APBA1: variants seen among roughly 807,000 people sequenced by gnomAD.
APBA1 encodes amyloid-beta A4 precursor protein-binding family A member 1.
A neutral mutation model predicts 86.6 loss-of-function variants in APBA1; 55 were observed. The observed-to-expected ratio is 0.64, with a 90% CI of 0.51 to 0.80. The LOEUF (loss-of-function observed/expected upper bound fraction) is 0.80. Ranked by LOEUF, APBA1 falls within the 30% of genes least tolerant of loss-of-function variation. The pLI is 0.00. For synonymous variants in APBA1, 511 were observed against 493.9 expected, an observed-to-expected ratio of 1.03 and a Z score of -0.46; for missense variants, 1,090 against 1,183.0, an observed-to-expected ratio of 0.92 and a Z score of 1.15.
At chr9:69,619,930 A>C (rs900754190) in intron 1 of APBA1, among the ~76,000 whole-genome samples, 2 of 152,240 alleles carry the variant, frequency 1.3e-5, no homozygotes, top group Non-Finnish European at 2.9e-5. Context: ...TCTGATAAAA[A>C]TAAAAATTTG....
chr9:69,636,034 A>G (rs1823150485), intron 1 of APBA1, among the ~76,000 whole-genome samples: 1 of 152,232 alleles, frequency 6.6e-6, no homozygotes, highest in Admixed American at 6.5e-5. Context: ...AAATAACCAG[A>G]GCTAAAACAA....
intron 1 of APBA1, among the ~76,000 whole-genome samples, chr9:69,618,336 A>G (rs370056739): frequency 2.5e-4 from 38 of 152,290 alleles, no homozygotes; most frequent in African/African-American, 8.2e-4. Context: ...TCTTGACTCA[A>G]TTTAATTCAC....
At chr9:69,505,760 G>T (rs58406509) in intron 2 of APBA1, among the ~76,000 whole-genome samples, 6,002 of 152,164 alleles carry the variant, frequency 0.039, 435 homozygotes, top group African/African-American at 0.14. Flanking sequence ...GCTCATGCCT[G>T]TAATCCCAGT....
intron 1 of APBA1, among the ~76,000 whole-genome samples, chr9:69,646,046 G>A (rs1232242186): frequency 6.6e-6 from 1 of 152,218 alleles, no homozygotes; most frequent in Non-Finnish European, 1.5e-5. Context: ...CCAGTTGAAA[G>A]TAAGTCCTGT....
At chr9:69,476,610 T>C (rs991026022) in intron 2 of APBA1, among the ~76,000 whole-genome samples, 2 of 151,968 alleles carry the variant, frequency 1.3e-5, no homozygotes, top group African/African-American at 4.8e-5. Context: ...TTTTGATGGC[T>C]AGAAACCATA....
intron 1 of APBA1, among the ~76,000 whole-genome samples, chr9:69,640,311 C>T (rs1191236068): frequency 1.3e-5 from 2 of 151,938 alleles, no homozygotes; most frequent in South Asian, 4.1e-4. Flanking sequence ...ATAGTGTGAG[C>T]CCTCACTCCC....
intron 1 of APBA1, among the ~76,000 whole-genome samples, chr9:69,625,007 G>A (rs751794468): frequency 8.5e-5 from 13 of 152,144 alleles, no homozygotes; most frequent in Non-Finnish European, 1.8e-4. Flanking sequence ...TGCCTCCATA[G>A]TTCCTTCATG....
intron 1 of APBA1, among the ~76,000 whole-genome samples, chr9:69,622,534 T>C (rs560190156): frequency 6.6e-6 from 1 of 151,870 alleles, no homozygotes; most frequent in South Asian, 2.1e-4. Flanking sequence ...AGTCTGTTTT[T>C]ATACCTTTTT....
chr9:69,442,349 C>T (rs763431481), intron 10 of APBA1, among the ~76,000 whole-genome samples: 11 of 152,066 alleles, frequency 7.2e-5, no homozygotes, highest in East Asian at 1.9e-4. Context: ...GCTGAGGCAG[C>T]GGGGGTCATA....
chr9:69,548,980 C>A (rs1045549187), intron 1 of APBA1, among the ~76,000 whole-genome samples: 1 of 152,196 alleles, frequency 6.6e-6, no homozygotes. Context: ...GGAACCAGAC[C>A]TCTTAGAGTA....
intron 1 of APBA1, among the ~76,000 whole-genome samples, chr9:69,519,235 C>G (rs898263183): frequency 6.6e-6 from 1 of 152,202 alleles, no homozygotes; most frequent in Non-Finnish European, 1.5e-5. Flanking sequence ...AGCTGTTCCA[C>G]CTCAGATCAT....
intron 1 of APBA1, among the ~76,000 whole-genome samples, chr9:69,614,722 T>A (rs1822667549): frequency 6.6e-6 from 1 of 152,194 alleles, no homozygotes; most frequent in Non-Finnish European, 1.5e-5. Context: ...ATGGACTAAA[T>A]GAAAATGTTT....
chr9:69,637,945 T>A (rs1823214085), intron 1 of APBA1, among the ~76,000 whole-genome samples: 1 of 152,234 alleles, frequency 6.6e-6, no homozygotes, highest in South Asian at 2.1e-4. Context: ...TAATGAATTA[T>A]GTGCTACAAC....
intron 1 of APBA1, among the ~76,000 whole-genome samples, chr9:69,590,278 G>A (rs1394265921): frequency 3.3e-5 from 5 of 152,192 alleles, no homozygotes; most frequent in Admixed American, 1.3e-4. Context: ...CAGATCCAGC[G>A]AGGTTCAAAT....
chr9:69,602,951 T>C (rs1274247813), intron 1 of APBA1, among the ~76,000 whole-genome samples: 1 of 152,234 alleles, frequency 6.6e-6, no homozygotes, highest in Non-Finnish European at 1.5e-5. Flanking sequence ...GTCAATCATC[T>C]TTCTTATCAA....
intron 1 of APBA1, among the ~76,000 whole-genome samples, chr9:69,536,072 G>T (rs1214592881): frequency 3.3e-5 from 5 of 149,838 alleles, no homozygotes; most frequent in Non-Finnish European, 7.4e-5. Context: ...TGTTGTACAA[G>T]TAAGTCTGTT....
At chr9:69,544,915 A>G (rs1836673483) in intron 1 of APBA1, among the ~76,000 whole-genome samples, 1 of 152,166 alleles carries the variant, frequency 6.6e-6, no homozygotes, top group Non-Finnish European at 1.5e-5. Context: ...AATCCAATGT[A>G]TGGTTCTTCA....
chr9:69,580,114 G>C (rs1344603131), intron 1 of APBA1, among the ~76,000 whole-genome samples: 5 of 152,196 alleles, frequency 3.3e-5, no homozygotes, highest in Non-Finnish European at 7.3e-5. Context: ...GGGAAGCTGT[G>C]GTCTGTGTCC....
At chr9:69,587,090 T>G (rs760544962) in intron 1 of APBA1, among the ~76,000 whole-genome samples, 1 of 152,262 alleles carries the variant, frequency 6.6e-6, no homozygotes, top group African/African-American at 2.4e-5. Flanking sequence ...TGTCCTTTTT[T>G]TGCCACTGGC....
Sources: allele counts gnomAD v4.1 joint callset (sites outside exome capture counted in the v4.1 genomes callset), GRCh38; gene constraint gnomAD v4.1.1; transcripts MANE v1.5; gene names NCBI Gene and HGNC (gene_info 2026-07-23, HGNC 2026-07-21).